The following ARHGAP45 variants were observed in gnomAD, a reference collection of about 807,000 sequenced individuals.
The protein encoded by ARHGAP45 is Rho GTPase activating protein 45.
In ARHGAP45, 56 loss-of-function variants were observed where a neutral mutation model predicts 116.1. The ratio of observed to expected loss-of-function variants is 0.48; its 90% confidence interval spans 0.39 to 0.60. The LOEUF (loss-of-function observed/expected upper bound fraction) is 0.60. ARHGAP45 is among the 20% of genes least tolerant of loss of function. The pLI is 0.00. For missense variants in ARHGAP45, 1,622 were observed against 1,601.0 expected (o/e 1.01, Z -0.22); for synonymous variants, 866 against 701.7 (o/e 1.23, Z -3.70).
Position 1,085,904 on chromosome 19 carries a change from C to T in ARHGAP45, c.3309C>T (p.Asn1103=). The T allele has an allele frequency of 6.2e-7, 1 of 1,612,998 alleles. No individual in the cohort carries two copies. The highest frequency in any genetic ancestry group is 8.5e-7 in the Non-Finnish European group (1 of 1,179,952). ...PAQQLSGFNT[N]QSNNVLQAPL... ...AGCAGCTCTCAGGATTCAACACCAA[C>T]CAGTCCAACAACGTGCTGCAGGCCC... The change falls in exon 23 of 23, where the codon AAC becomes AAT. Residue 1103 remains asparagine, a synonymous_variant. Transcript: ENST00000313093.
At chr19:1,067,705 C>A in intron 1 of ARHGAP45, 1 of 703,570 alleles carries the variant, frequency 1.4e-6, no homozygotes, top group South Asian at 1.5e-5. Flanking sequence ...GGCCGCCTCC[C>A]TCCACTCCAT....
rs141323210 is a variant in ARHGAP45 at position 1,082,917 on chromosome 19, C to G, written c.2595C>G (p.Ala865=). 6.3e-7 allele frequency: 1 copy of G among 1,595,076 alleles called. No homozygotes were observed. The highest frequency in any genetic ancestry group is 8.5e-7 in the Non-Finnish European group (1 of 1,172,526). ...GLAKDSLKAE[A]EAKAASRGRQ... is the part of the protein sequence containing the mutation. ...CCAAGGACAGCCTGAAGGCAGAGGCCGAGGCCAAGGCGGCGTCCCGGGGCC... is the reference window on the plus strand; with the variant it reads ...CCAAGGACAGCCTGAAGGCAGAGGCGGAGGCCAAGGCGGCGTCCCGGGGCC... The change falls in exon 20 of 23, where the codon GCC becomes GCG. Residue 865 remains alanine, a synonymous_variant. Transcript: ENST00000313093.
chr19:1,078,222 C>G (rs1353477861), intron 11 of ARHGAP45, among the ~76,000 whole-genome samples, 177 bp downstream of exon 11: 1 of 151,248 alleles, frequency 6.6e-6, no homozygotes, highest in African/African-American at 2.4e-5. Flanking sequence ...CGGCTCACTG[C>G]AAGCTCCGCC....
At chr19:1,077,186 C>G (rs1239776047) in intron 10 of ARHGAP45, 8 of 985,230 alleles carry the variant, frequency 8.1e-6, no homozygotes, top group Non-Finnish European at 9.6e-6. Flanking sequence ...CTGTTCTCGT[C>G]TGTGAGGAGG....
intron 10 of ARHGAP45, 24 bp from the exon 11 acceptor site, chr19:1,077,833 G>T: frequency 6.4e-7 from 1 of 1,551,220 alleles, no homozygotes; most frequent in South Asian, 1.2e-5. Flanking sequence ...GTTGGAACTG[G>T]CCTCCTGGCT....
In ARHGAP45 at chr19:1,081,755, A is replaced by T. The variant is rs922839600; in HGVS notation, c.2379+17A>T. The T allele has an allele frequency of 6.4e-7, 1 of 1,554,462 alleles. No individual in the cohort carries two copies. Among genetic ancestry groups the T allele is most frequent in the Admixed American group, 1.8e-5 (1 of 54,464 alleles). On this transcript the variant is annotated intron_variant, in intron 18 of 22. Coordinates refer to ENST00000313093, the MANE Select transcript of ARHGAP45 (RefSeq NM_012292.5). Reference sequence around the variant, plus strand: ...CGCACCAAGGTGAGGCGGGGGAGGAAGCGGCTCACAGCGAGGAGGCGGGAG... The same window carrying T: ...CGCACCAAGGTGAGGCGGGGGAGGATGCGGCTCACAGCGAGGAGGCGGGAG...
chr19:1,071,327 G>C lies in ARHGAP45; in HGVS notation c.422-1822G>C. 1 of 1,413,614 alleles carries C rather than the reference G, an allele frequency of 7.1e-7. No homozygotes were observed. The highest frequency in any genetic ancestry group is 9.2e-7 in the Non-Finnish European group (1 of 1,090,496). The allele number at this position is 1,413,614 out of a possible 1,614,324, so 87.6% of individuals were successfully genotyped here. On this transcript the variant is annotated intron_variant, in intron 2 of 22. Coordinates refer to ENST00000313093, the MANE Select transcript of ARHGAP45 (RefSeq NM_012292.5). The surrounding 1 kb of genome is among the most constrained non-coding windows in gnomAD (Gnocchi z 4.6). ...GGACGGCGCACCCGGTGCTGGACGA[G>C]GGCCCCGTGCGCTGCCGGGCGGGCC...
At position 1,082,876 on chromosome 19, in the gene ARHGAP45, G is replaced by A; in HGVS notation, c.2554G>A (p.Glu852Lys). The part of the protein sequence containing the change: ...EPLISFRLYH[E>K]LVGLAKDSLK... ...GCTCATCTCCTTCCGCCTCTACCAC[G>A]AGCTCGTAGGGCTGGCCAAGGACAG... is the stretch of plus-strand genomic sequence containing the variant. The change falls in exon 20 of 23, where the codon GAG becomes AAG. Residue 852 changes from glutamate (E) to lysine (K), a missense_variant. Physicochemically the swap from Glu to Lys is moderately conservative, Grantham distance 56. Around this residue, in one of 3 missense-constraint regions of ARHGAP45, gnomAD observed 1,334 missense variants for 1,263.8 expected, o/e 1.06. Transcript: ENST00000313093. The A allele has an allele frequency of 1.9e-6, 3 of 1,571,486 alleles. No individual in the cohort carries two copies. The highest frequency in any genetic ancestry group is 1.7e-6 in the Non-Finnish European group (2 of 1,158,570).
rs1227302510 is a variant in ARHGAP45 at position 1,069,217 on chromosome 19, G to A, written c.421+473G>A. On this transcript the variant is annotated intron_variant, in intron 2 of 22. Transcript: ENST00000313093. This position sits in a 1 kb window ranked among gnomAD's most constrained non-coding sequence, Gnocchi z 4.1. Reference sequence around the variant, plus strand: ...GGGGGTTGGCTGAGGTCTGGGTGGAGAGAGATTCAGGAGGCATGGCGAGGG... The same window carrying A: ...GGGGGTTGGCTGAGGTCTGGGTGGAAAGAGATTCAGGAGGCATGGCGAGGG... Among the ~76,000 whole-genome samples, 2 of 152,152 alleles carry A rather than the reference G, an allele frequency of 1.3e-5. No individual in the cohort carries two copies. Among genetic ancestry groups the A allele is most frequent in the African/African-American group, 4.8e-5 (2 of 41,424 alleles).
At position 1,085,528 on chromosome 19, in the gene ARHGAP45, CCCCA is replaced by C. The variant is rs1568489535; in HGVS notation, c.3065-131_3065-128del. ...TCTCTCCTCCATCTCTCCTGTCTCT[CCCCA>C]TCTCTCCTGTCTCTCCATCTCTCTC... On this transcript the variant is annotated intron_variant, in intron 22 of 22. Transcript: ENST00000313093. 2.4e-4 allele frequency: 157 copies of C among 646,910 alleles called. No homozygotes were observed. The African/African-American group carries it at 3.1e-3, about 13-fold the overall frequency. 40.1% of individuals were successfully genotyped at this position (646,910 alleles called of 1,614,324 possible).
Position 1,085,931 on chromosome 19 carries a change from A to G in ARHGAP45, c.3336A>G (p.Pro1112=), listed in dbSNP as rs759138194. The part of the protein sequence containing the change: ...TNQSNNVLQA[P]LPPMRLRGGR... ...AGTCCAACAACGTGCTGCAGGCCCCACTGCCCCCCATGAGGCTCCGTGGCG... is the reference window on the plus strand; with the variant it reads ...AGTCCAACAACGTGCTGCAGGCCCCGCTGCCCCCCATGAGGCTCCGTGGCG... The change falls in exon 23 of 23, where the codon CCA becomes CCG. Residue 1112 remains proline (P), a synonymous_variant. Transcript: ENST00000313093. 1.2e-6 allele frequency: 2 copies of G among 1,612,786 alleles called. No individual in the cohort carries two copies. The highest frequency in any genetic ancestry group is 2.2e-5 in the East Asian group (1 of 44,880).
chr19:1,079,584 C>T, intron 11 of ARHGAP45, 119 bp from the exon 12 acceptor site: 1 of 1,285,590 alleles, frequency 7.8e-7, no homozygotes, highest in Admixed American at 2.2e-5. Context: ...AGCAAGTCTC[C>T]CACTGTGGCC....
chr19:1,073,573 T>C lies in ARHGAP45; in HGVS notation c.633T>C (p.Ala211=), dbSNP rs749214204. 6.2e-7 allele frequency: 1 copy of C among 1,613,928 alleles called. No homozygotes were observed. Among genetic ancestry groups the C allele is most frequent in the South Asian group, 1.1e-5 (1 of 91,066 alleles). ...QEFEKALETI[A]VAFSSTVSEF... ...TCGAGAAGGCCCTGGAGACGATTGC[T>C]GTGGCCTTCAGTAGCACGTGAGCAC... The change falls in exon 4 of 23, where the codon GCT becomes GCC. Residue 211 remains alanine (A), a synonymous_variant. Transcript: ENST00000313093.
rs759898273 is a variant in ARHGAP45, at chr19:1,085,453, C to G, written c.3065-207C>G. Among the ~76,000 whole-genome samples, 171 of 150,870 alleles carry G rather than the reference C, an allele frequency of 1.1e-3. 1 individual carries two copies. Among genetic ancestry groups the G allele is most frequent in the Non-Finnish European group, 2.2e-3 (150 of 67,530 alleles). ...TCTCCTTCCGTTTCTCCCCTTGTCTCTCTCTCCTCCTCCCCGCCATGTCTC... is the reference window on the plus strand; with the variant it reads ...TCTCCTTCCGTTTCTCCCCTTGTCTGTCTCTCCTCCTCCCCGCCATGTCTC... On this transcript the variant is annotated intron_variant, in intron 22 of 22. Coordinates refer to ENST00000313093, the MANE Select transcript of ARHGAP45 (RefSeq NM_012292.5).
In ARHGAP45 at chr19:1,084,360, T is replaced by C. The variant is rs1193380477; in HGVS notation, c.3064+14T>C. 1.3e-6 allele frequency: 2 copies of C among 1,594,984 alleles called. No individual in the cohort carries two copies. Among genetic ancestry groups the C allele is most frequent in the Non-Finnish European group, 1.7e-6 (2 of 1,170,636 alleles). On this transcript the variant is annotated intron_variant, in intron 22 of 22. Transcript: ENST00000313093. ...ACGGGTGCAGAGGTGAGTGTGTGGC[T>C]GCCCGAACGGCCCCAAGGGAGGCTG...
Position 1,083,329 on chromosome 19 carries a change from G to A in ARHGAP45, c.2931G>A (p.Glu977=). ...IVHYGLVFEE[E]PEETPGGQDE... is the part of the protein sequence containing the mutation. ...ACTACGGCCTGGTCTTCGAGGAGGA[G>A]CCGGAGGAGACCCCCGGGGGCCAGG... The change falls in exon 21 of 23, where the codon GAG becomes GAA. Residue 977 remains glutamate (E), a synonymous_variant. Coordinates refer to ENST00000313093, the MANE Select transcript of ARHGAP45 (RefSeq NM_012292.5). The A allele has an allele frequency of 6.4e-7, 1 of 1,557,196 alleles. No homozygotes were observed.
intron 22 of ARHGAP45, 52 bp downstream of exon 22, chr19:1,084,398 C>G: frequency 7.0e-7 from 1 of 1,420,680 alleles, no homozygotes; most frequent in Non-Finnish European, 9.8e-7. Context: ...GTGTGCCACC[C>G]ATGGGCGCAG....
In ARHGAP45 at chr19:1,072,967, G is replaced by A. The variant is rs76493874; in HGVS notation, c.422-182G>A. 6.0e-4 allele frequency among the ~76,000 whole-genome samples: 91 copies of A among 152,278 alleles called. 1 individual carries two copies. The East Asian group carries it at 0.015, about 24-fold the overall frequency. On this transcript the variant is annotated intron_variant, in intron 2 of 22. Transcript: ENST00000313093. ...ACGTCTGGCCTTTGTTGATCTGGCC[G>A]GTAGCCCAGGGAGGGACAGTGCCCT...
At position 1,068,620 on chromosome 19, in the gene ARHGAP45, C is replaced by T; in HGVS notation, c.297C>T (p.Ser99=). The T allele has an allele frequency of 6.2e-7, 1 of 1,611,636 alleles. No homozygotes were observed. Among genetic ancestry groups the T allele is most frequent in the Middle Eastern group, 1.7e-4 (1 of 6,058 alleles). The change falls in exon 2 of 23, where the codon AGC becomes AGT. Residue 99 remains serine (S), a synonymous_variant. Coordinates refer to ENST00000313093, the MANE Select transcript of ARHGAP45 (RefSeq NM_012292.5). The surrounding 1 kb of genome is among the most constrained non-coding windows in gnomAD (Gnocchi z 7.5). ...RSHRSPLTAA[S]PGELPTEGAG... Reference sequence around the variant, plus strand: ...ACCGGAGCCCACTGACAGCCGCCAGCCCGGGCGAGCTGCCCACCGAGGGTG... The same window carrying T: ...ACCGGAGCCCACTGACAGCCGCCAGTCCGGGCGAGCTGCCCACCGAGGGTG...
Sources: gnomAD v4.1 joint callset for allele counts (sites outside exome capture counted in the v4.1 genomes callset) on GRCh38, gnomAD v4.1.1 for gene constraint, gnomAD v4.1.1 regional missense constraint, Gnocchi (gnomAD v3.1) non-coding constraint, MANE v1.5 for transcripts, NCBI Gene and HGNC (gene_info 2026-07-23, HGNC 2026-07-21) for gene names.